PCDHGB5: variants seen among roughly 807,000 people sequenced by gnomAD.
The protein encoded by PCDHGB5 is protocadherin gamma-B5.
Under a neutral mutation model 62.9 loss-of-function variants are expected in PCDHGB5, and 48 were observed. The observed-to-expected ratio is 0.76, with a 90% confidence interval of 0.61 to 0.97. The LOEUF is 0.97. PCDHGB5 is among the 50% of genes least tolerant of loss of function. PCDHGB5 has a pLI of 0.00. For missense variants in PCDHGB5, 1,118 were observed against 1,198.6 expected, an observed-to-expected ratio of 0.93 and a Z score of 0.99; for synonymous variants, 474 against 511.2, an observed-to-expected ratio of 0.93 and a Z score of 0.98.
intron 1 of PCDHGB5, chr5:141,421,816 C>T (rs981400135): frequency 1.2e-5 from 19 of 1,613,696 alleles, no homozygotes; most frequent in Non-Finnish European, 1.4e-5. Context: ...AGAGCTAGTA[C>T]TGGAGGGAAG....
chr5:141,415,755 T>C (rs753465209), intron 1 of PCDHGB5: 19 of 1,387,632 alleles, frequency 1.4e-5, no homozygotes, highest in Middle Eastern at 2.6e-4. Flanking sequence ...TTTTTTTTTT[T>C]TTTTTTTTTT....
chr5:141,470,479 C>T (rs2099231547), intron 1 of PCDHGB5, among the ~76,000 whole-genome samples: 1 of 152,078 alleles, frequency 6.6e-6, no homozygotes, highest in African/African-American at 2.4e-5. Flanking sequence ...ATTACTAACC[C>T]TCTGGGAATA....
intron 1 of PCDHGB5, among the ~76,000 whole-genome samples, chr5:141,448,952 C>A (rs1278778374): frequency 2.6e-5 from 4 of 151,698 alleles, no homozygotes; most frequent in Non-Finnish European, 5.9e-5. Flanking sequence ...CTCAAAAAAA[C>A]AAACAAACAA....
chr5:141,444,475 A>C (rs572738630), intron 1 of PCDHGB5, among the ~76,000 whole-genome samples: 2 of 152,110 alleles, frequency 1.3e-5, no homozygotes, highest in East Asian at 3.9e-4. Context: ...CCGGTCGCGT[A>C]CTGGATTTAT....
chr5:141,495,735 T>C (rs1595351919), intron 2 of PCDHGB5, among the ~76,000 whole-genome samples: 1 of 152,044 alleles, frequency 6.6e-6, no homozygotes, highest in Admixed American at 6.5e-5. Context: ...CCTTAGTCTC[T>C]TTCTCCTTCT....
At position 141,477,112 on chromosome 5, in the gene PCDHGB5, A is replaced by C. The variant is rs745449028; in HGVS notation, c.2398-17695A>C. The C allele has an allele frequency of 2.5e-6, 4 of 1,614,262 alleles. No homozygotes were observed. The South Asian group carries it at 4.4e-5, about 18-fold the overall frequency. Reference sequence around the variant, plus strand: ...CCAAAGACAAGGGCGCCAATCCCGAAGGAGCACATTGCAAAGTGTTGGTGG... The same window carrying C: ...CCAAAGACAAGGGCGCCAATCCCGACGGAGCACATTGCAAAGTGTTGGTGG... On this transcript the variant is annotated intron_variant, in intron 1 of 3. Transcript: ENST00000617380. This position sits in a 1 kb window ranked among gnomAD's most constrained non-coding sequence, Gnocchi z 4.9.
At chr5:141,402,067 A>G (rs2094221639) in intron 1 of PCDHGB5, among the ~76,000 whole-genome samples, 1 of 152,226 alleles carries the variant, frequency 6.6e-6, no homozygotes, top group Non-Finnish European at 1.5e-5. Flanking sequence ...TTAAAAAACT[A>G]AGCATTTTTG....
Position 141,476,340 on chromosome 5 carries a change from G to A in PCDHGB5, c.2398-18467G>A, listed in dbSNP as rs760616287. The A allele has an allele frequency of 2.2e-5, 36 of 1,614,068 alleles. No homozygotes were observed. In the Admixed American group the frequency reaches 2.5e-4, roughly 11 times the overall value. On this transcript the variant is annotated intron_variant, in intron 1 of 3. Transcript: ENST00000617380. The surrounding 1 kb of genome is among the most constrained non-coding windows in gnomAD (Gnocchi z 7.6). The stretch of plus-strand genomic sequence containing the variant: ...CGGGTGGTGTCTGGAGCTAGCCGAA[G>A]ATTCTTTGAGGTGAACCGGGAGACC...
chr5:141,505,402 T>G lies in PCDHGB5; in HGVS notation c.2466T>G (p.Asn822Lys), dbSNP rs1216666169. 1.9e-6 allele frequency: 3 copies of G among 1,614,014 alleles called. No homozygotes were observed. Among genetic ancestry groups the G allele is most frequent in the Non-Finnish European group, 2.5e-6 (3 of 1,180,034 alleles). Residue 822 changes from asparagine (N) to lysine (K), a missense_variant, in exon 3 of 4, where the codon AAT (asparagine) becomes AAG (lysine). This residue lies in a region of PCDHGB5 where 1,034 missense variants were observed against 1,029.1 expected (regional missense o/e 1.00). Coordinates refer to ENST00000617380, the MANE Select transcript of PCDHGB5 (RefSeq NM_018925.3). The part of the protein sequence containing the change: ...AQRPGTSGSQ[N>K]GDDTGTWPNN... ...CCTACTCTCTCCCCAGCTCCCAAAA[T>G]GGCGATGACACCGGCACCTGGCCCA...
chr5:141,414,519 T>C (rs754685087), intron 1 of PCDHGB5: 6 of 1,613,856 alleles, frequency 3.7e-6, no homozygotes, highest in Non-Finnish European at 5.1e-6. Context: ...AAGTGGCAGA[T>C]ATCAATGACA....
intron 1 of PCDHGB5, among the ~76,000 whole-genome samples, chr5:141,443,376 T>C (rs1365277469): frequency 6.6e-6 from 1 of 151,990 alleles, no homozygotes; most frequent in Admixed American, 6.6e-5. Flanking sequence ...TCTCAGCTAC[T>C]TGGGAGGCTG....
In PCDHGB5 at chr5:141,398,847, G is replaced by A. The variant is rs773663002; in HGVS notation, c.720G>A (p.Pro240=). The change falls in exon 1 of 4, where the codon CCG becomes CCA. Residue 240 remains proline (P), a synonymous_variant. Coordinates refer to ENST00000617380, the MANE Select transcript of PCDHGB5 (RefSeq NM_018925.3). Reference sequence around the variant, plus strand: ...TAACCGACGCCAATGATAATCCCCCGGTATTCAACCGAGACGTGTACAGAG... The same window carrying A: ...TAACCGACGCCAATGATAATCCCCCAGTATTCAACCGAGACGTGTACAGAG... ...IQVTDANDNP[P]VFNRDVYRVS... The A allele has an allele frequency of 2.5e-6, 4 of 1,613,758 alleles. No homozygotes were observed. In the African/African-American group the frequency reaches 5.3e-5, roughly 22 times the overall value.
Position 141,510,960 on chromosome 5 carries a change from G to T in PCDHGB5, c.2559G>T (p.Gly853=). The T allele has an allele frequency of 6.2e-7, 1 of 1,614,120 alleles. No individual in the cohort carries two copies. The highest frequency in any genetic ancestry group is 1.3e-5 in the African/African-American group (1 of 75,022). ...ILASASEAAD[G]SSTLGGGAGT... is the part of the protein sequence containing the mutation. ...CTGTCTCTGCAGAAGCTGCTGATGG[G>T]AGCTCCACCCTGGGAGGGGGTGCCG... Residue 853 remains glycine, a synonymous_variant, in exon 4 of 4, where the codon GGG becomes GGT. Transcript: ENST00000617380.
chr5:141,494,680 C>G (rs552351026), intron 1 of PCDHGB5, 127 bp from the exon 2 acceptor site: 2 of 1,560,096 alleles, frequency 1.3e-6, no homozygotes, highest in East Asian at 4.6e-5. Context: ...CCACCCCTGC[C>G]CCCTCTTAGT....
chr5:141,403,210 C>G (rs369033480), intron 1 of PCDHGB5: 1 of 1,613,946 alleles, frequency 6.2e-7, no homozygotes, highest in Admixed American at 1.7e-5. Flanking sequence ...CCTTGGTCAC[C>G]GCGGGTAGGA....
rs375619778 is a variant in PCDHGB5, at chr5:141,399,361, C to G, written c.1234C>G (p.Pro412Ala). 11 of 1,613,960 alleles carry G rather than the reference C, an allele frequency of 6.8e-6. No homozygotes were observed. The Admixed American group carries it at 1.8e-4, about 27-fold the overall frequency. The change falls in exon 1 of 4, where the codon CCG becomes GCG. Residue 412 changes from proline to alanine, a missense_variant. By Grantham distance (27) the Pro-to-Ala change is conservative. This residue lies in a region of PCDHGB5 where 1,034 missense variants were observed against 1,029.1 expected (regional missense o/e 1.00). Transcript: ENST00000617380. ...TGGAACCCTAGACCGAGAGCAAACC[C>G]CGGAGTACAATGTCACCATCACAGC... ...TDGTLDREQTPEYNVTITATD... is the reference protein window; with the variant it reads ...TDGTLDREQTAEYNVTITATD...
At chr5:141,401,548 G>T (rs1291544476) in intron 1 of PCDHGB5, among the ~76,000 whole-genome samples, 1 of 152,162 alleles carries the variant, frequency 6.6e-6, no homozygotes, top group Non-Finnish European at 1.5e-5. Context: ...AAAAGGAAAT[G>T]CTATTGCCTG....
Position 141,511,313 on chromosome 5 carries a change from C to T in PCDHGB5, c.*140C>T. ...CCAAGGCCATGCTCCCCTTGGGAAA[C>T]AGAAACAAGTGCCCAGTCAGCACCT... On this transcript the variant is annotated 3_prime_UTR_variant, in exon 4 of 4. Transcript: ENST00000617380. 2 of 1,482,944 alleles carry T rather than the reference C, an allele frequency of 1.3e-6. No homozygotes were observed. The highest frequency in any genetic ancestry group is 2.3e-5 in the Admixed American group (1 of 43,596). 91.9% of individuals were successfully genotyped at this position (1,482,944 alleles called of 1,614,324 possible).
chr5:141,449,943 C>G (rs1561937416), intron 1 of PCDHGB5, among the ~76,000 whole-genome samples: 1 of 151,186 alleles, frequency 6.6e-6, no homozygotes, highest in African/African-American at 2.4e-5. Flanking sequence ...GTATATTTTA[C>G]TATACCTCAT....
Sources: allele counts gnomAD v4.1 joint callset (sites outside exome capture counted in the v4.1 genomes callset), GRCh38; gene constraint gnomAD v4.1.1; regional missense constraint gnomAD v4.1.1; non-coding constraint Gnocchi (gnomAD v3.1); transcripts MANE v1.5; gene names NCBI Gene and HGNC (gene_info 2026-07-23, HGNC 2026-07-21).